Variants in EPB41L4A observed in about 807,000 individuals in gnomAD.
The protein encoded by EPB41L4A is band 4.1-like protein 4A.
In EPB41L4A, 100 loss-of-function variants were observed where a neutral mutation model predicts 108.6. That is an observed-to-expected ratio of 0.92 (90% CI 0.78 to 1.09). The LOEUF (loss-of-function observed/expected upper bound fraction) is 1.09. Among genes scored for constraint, EPB41L4A ranks in the 50% least tolerant of loss-of-function variants. The pLI, the probability that EPB41L4A is intolerant of heterozygous loss-of-function variation, is 0.00. For missense variants in EPB41L4A, 1,030 were observed against 842.7 expected, an observed-to-expected ratio of 1.22 and a Z score of -2.75; for synonymous variants, 319 against 289.0, an observed-to-expected ratio of 1.10 and a Z score of -1.05.
intron 18 of EPB41L4A, chr5:112,173,680 G>C (rs1760718109): frequency 7.0e-6 from 1 of 143,846 alleles, no homozygotes; most frequent in Non-Finnish European, 1.5e-5. Flanking sequence ...GTCTCGCTCT[G>C]TCACCCAGGC....
intron 1 of EPB41L4A, among the ~76,000 whole-genome samples, chr5:112,331,188 A>G (rs1309872969): frequency 6.6e-6 from 1 of 152,198 alleles, no homozygotes; most frequent in Non-Finnish European, 1.5e-5. Flanking sequence ...AATGGAGGGC[A>G]TGGAGGGACA....
intron 12 of EPB41L4A, among the ~76,000 whole-genome samples, chr5:112,217,849 A>G (rs937995541): frequency 1.3e-5 from 2 of 152,182 alleles, no homozygotes; most frequent in Non-Finnish European, 2.9e-5. Flanking sequence ...AGGGTAGATT[A>G]TAAGGAATGG....
At chr5:112,379,100 G>A (rs927202497) in intron 1 of EPB41L4A, among the ~76,000 whole-genome samples, 1 of 152,094 alleles carries the variant, frequency 6.6e-6, no homozygotes, top group Non-Finnish European at 1.5e-5. Context: ...TTCTCTCAGT[G>A]GATACTCATT....
At chr5:112,415,976 T>A (rs1462168929) in intron 1 of EPB41L4A, among the ~76,000 whole-genome samples, 2 of 125,666 alleles carry the variant, frequency 1.6e-5, no homozygotes, top group East Asian at 2.1e-4. Flanking sequence ...TTTTCTGGTA[T>A]TTTTTTTTTA....
At chr5:112,203,376 C>T (rs137908318) in intron 15 of EPB41L4A, among the ~76,000 whole-genome samples, 56 of 152,002 alleles carry the variant, frequency 3.7e-4, no homozygotes, top group African/African-American at 1.3e-3. Flanking sequence ...ACAAAAACCA[C>T]AAAAACCAAA....
At chr5:112,145,992 G>A (rs1463699995) in exon 13 of EPB41L4A, 1 of 456,148 alleles carries the variant, frequency 2.2e-6, no homozygotes, top group Non-Finnish European at 4.4e-6. Context: ...CTGGAGGTCT[G>A]GACACCCTGT....
At position 112,193,124 on chromosome 5, in the gene EPB41L4A, T is replaced by C. The variant is rs149692939; in HGVS notation, c.1502+1444A>G. 8.2e-3 allele frequency among the ~76,000 whole-genome samples: 1,247 copies of C among 152,300 alleles called. 7 individuals are homozygous for C. Among genetic ancestry groups the C allele is most frequent in the Non-Finnish European group, 0.013 (891 of 68,024 alleles). On this transcript the variant is annotated intron_variant, in intron 17 of 22. Coordinates refer to ENST00000261486, the MANE Select transcript of EPB41L4A (RefSeq NM_022140.5). ...AATTCCAGCCTCAGAAGGCTCCACA[T>C]AGAATGCTTTCCTAAAAAAATGTCC...
intron 1 of EPB41L4A, among the ~76,000 whole-genome samples, chr5:112,361,088 T>A (rs1758718007): frequency 6.6e-6 from 1 of 151,948 alleles, no homozygotes; most frequent in African/African-American, 2.4e-5. Context: ...AGGGGGGAAG[T>A]GTGGGGAAAA....
intron 2 of EPB41L4A, among the ~76,000 whole-genome samples, chr5:112,297,354 T>G (rs186186179): frequency 2.6e-4 from 39 of 152,258 alleles, no homozygotes; most frequent in African/African-American, 8.9e-4. Context: ...AAGGTGGTAT[T>G]GCATTGTGGT....
At chr5:112,150,992 G>C (rs1372494048) in intron 12 of EPB41L4A, among the ~76,000 whole-genome samples, 1 of 152,280 alleles carries the variant, frequency 6.6e-6, no homozygotes, top group East Asian at 1.9e-4. Context: ...TGGGGGGTTT[G>C]TTAAAATATA....
intron 19 of EPB41L4A, 33 bp from the exon 20 acceptor site, chr5:112,170,402 T>C: frequency 7.2e-7 from 1 of 1,384,156 alleles, no homozygotes. Flanking sequence ...ATGATAGTTG[T>C]GGTGCTGGTA....
Position 112,264,888 on chromosome 5 carries a change from A to T in EPB41L4A, c.554+8T>A. 1.9e-6 allele frequency: 3 copies of T among 1,607,714 alleles called. No individual in the cohort carries two copies. Among genetic ancestry groups the T allele is most frequent in the African/African-American group, 2.7e-5 (2 of 74,728 alleles). The stretch of plus-strand genomic sequence containing the variant: ...TGATGCAATAAGACATGGTGTAATG[A>T]TTCTTACATTAGAGTTTTATGAATC... On this transcript the variant is annotated splice_region_variant and intron_variant, in intron 6 of 22. Coordinates refer to ENST00000261486, the MANE Select transcript of EPB41L4A (RefSeq NM_022140.5).
At chr5:112,265,669 C>T (rs2150457553) in intron 5 of EPB41L4A, among the ~76,000 whole-genome samples, 1 of 152,344 alleles carries the variant, frequency 6.6e-6, no homozygotes, top group African/African-American at 2.4e-5. Context: ...ATCTTATTCT[C>T]CCCACATCTA....
chr5:112,173,083 C>T (rs1226643066), intron 18 of EPB41L4A, among the ~76,000 whole-genome samples: 1 of 152,088 alleles, frequency 6.6e-6, no homozygotes, highest in Non-Finnish European at 1.5e-5. Flanking sequence ...AAGGGTATGA[C>T]CTAGGAATTA....
chr5:112,296,357 A>T (rs1437779121), intron 2 of EPB41L4A, among the ~76,000 whole-genome samples: 1 of 152,146 alleles, frequency 6.6e-6, no homozygotes, highest in Non-Finnish European at 1.5e-5. Flanking sequence ...TACATTTCCT[A>T]GAAATTGTGG....
At chr5:112,395,858 A>G (rs984695604) in intron 1 of EPB41L4A, among the ~76,000 whole-genome samples, 2 of 152,270 alleles carry the variant, frequency 1.3e-5, no homozygotes, top group South Asian at 4.1e-4. Flanking sequence ...ATGTCCATCA[A>G]TGATAGACTG....
At chr5:112,234,566 T>A (rs1749192932) in intron 12 of EPB41L4A, 68 bp downstream of exon 12, 1 of 1,503,488 alleles carries the variant, frequency 6.7e-7, no homozygotes, top group East Asian at 2.3e-5. Flanking sequence ...ATCACCTGAG[T>A]ATATCTTACA....
intron 2 of EPB41L4A, 72 bp downstream of exon 2, chr5:112,307,314 C>A: frequency 1.0e-6 from 1 of 968,782 alleles, no homozygotes; most frequent in African/African-American, 1.6e-5. Flanking sequence ...CACCTAAAAC[C>A]ATATCAGGAA....
intron 2 of EPB41L4A, among the ~76,000 whole-genome samples, chr5:112,298,716 T>G (rs1384225695): frequency 6.6e-6 from 1 of 152,196 alleles, no homozygotes; most frequent in African/African-American, 2.4e-5. Flanking sequence ...AATGTCAATA[T>G]GATTGGTATT....
Sources: gnomAD v4.1 joint callset for allele counts (sites outside exome capture counted in the v4.1 genomes callset) on GRCh38, gnomAD v4.1.1 for gene constraint, MANE v1.5 for transcripts, NCBI Gene and HGNC (gene_info 2026-07-23, HGNC 2026-07-21) for gene names.